Variants in CTNND2 observed in about 807,000 individuals in gnomAD.
CTNND2 encodes catenin delta 2.
A neutral mutation model predicts 144.4 loss-of-function variants in CTNND2; 22 were observed. That is an observed-to-expected ratio of 0.15 (90% CI 0.11 to 0.22). The LOEUF is 0.22. CTNND2 is among the 10% of genes least tolerant of loss of function. CTNND2 has a pLI of 1.00. For synonymous variants in CTNND2, 751 were observed against 695.6 expected (o/e 1.08, Z -1.25); for missense variants, 1,353 against 1,618.8 (o/e 0.84, Z 2.82).
intron 1 of CTNND2, among the ~76,000 whole-genome samples, chr5:11,763,638 A>G (rs906132183): frequency 3.9e-5 from 6 of 152,238 alleles, no homozygotes; most frequent in African/African-American, 1.4e-4. Flanking sequence ...GCTTCCCTGA[A>G]TGCTACTTTA....
rs138346459 is a variant in CTNND2, at chr5:11,694,585, A to T, written c.174+37551T>A. Reference sequence around the variant, plus strand: ...GCCTCAGTTAGGTACATGTGTGTCCATGCACGGCACATGACTGTGAATACC... The same window carrying T: ...GCCTCAGTTAGGTACATGTGTGTCCTTGCACGGCACATGACTGTGAATACC... On this transcript the variant is annotated intron_variant, in intron 2 of 21. Coordinates refer to ENST00000304623, the MANE Select transcript of CTNND2 (RefSeq NM_001332.4). 1.1e-3 allele frequency among the ~76,000 whole-genome samples: 173 copies of T among 152,356 alleles called. 1 individual carries two copies. The highest frequency in any genetic ancestry group is 4.0e-3 in the African/African-American group (165 of 41,586).
rs1445236307 is a variant in CTNND2 at position 11,429,761 on chromosome 5, C to T, written c.288-17692G>A. ...AGATTTTCCAAAAGCATCAGAAAAA[C>T]GAAGTGATGAAAGAGTGTCTAGCAA... On this transcript the variant is annotated intron_variant, in intron 3 of 21. Coordinates refer to ENST00000304623, the MANE Select transcript of CTNND2 (RefSeq NM_001332.4). 2.0e-5 allele frequency among the ~76,000 whole-genome samples: 3 copies of T among 152,088 alleles called. No individual in the cohort carries two copies. The South Asian group carries it at 6.2e-4, about 32-fold the overall frequency.
chr5:11,431,864 G>A (rs994990283), intron 3 of CTNND2, among the ~76,000 whole-genome samples: 1 of 152,074 alleles, frequency 6.6e-6, no homozygotes, highest in African/African-American at 2.4e-5. Flanking sequence ...GGTAAAGAAT[G>A]GTAGATAACC....
intron 8 of CTNND2, among the ~76,000 whole-genome samples, chr5:11,351,085 AG>A (rs1273387878): frequency 1.1e-4 from 16 of 152,200 alleles, no homozygotes; most frequent in Non-Finnish European, 7.3e-5. Flanking sequence ...GCTCTCCATT[AG>A]TATGGATAAA....
At chr5:11,135,010 G>C (rs776556088) in intron 12 of CTNND2, among the ~76,000 whole-genome samples, 52 of 152,292 alleles carry the variant, frequency 3.4e-4, no homozygotes, top group Admixed American at 6.5e-4. Context: ...TCTTCACTGC[G>C]CTAAGTGCTG....
chr5:11,206,381 G>A (rs1040041111), intron 10 of CTNND2, among the ~76,000 whole-genome samples: 3 of 152,208 alleles, frequency 2.0e-5, no homozygotes, highest in East Asian at 1.9e-4. Context: ...GCTGAACACC[G>A]TAAATGAGTT....
At chr5:11,732,037 T>G in intron 2 of CTNND2, 99 bp downstream of exon 2, 2 of 1,122,116 alleles carry the variant, frequency 1.8e-6, no homozygotes, top group Non-Finnish European at 1.3e-6. Flanking sequence ...TACATGAGTA[T>G]GAGTTTCTTT....
intron 1 of CTNND2, among the ~76,000 whole-genome samples, chr5:11,833,835 C>CTA (rs1195618337): frequency 6.6e-6 from 1 of 152,132 alleles, no homozygotes; most frequent in Admixed American, 6.6e-5. Flanking sequence ...GAACTGTTTT[C>CTA]TATCTCCCTT....
chr5:11,038,439 C>T (rs1424174026), intron 16 of CTNND2, among the ~76,000 whole-genome samples: 1 of 152,210 alleles, frequency 6.6e-6, no homozygotes, highest in African/African-American at 2.4e-5. Context: ...GAGGTGGACA[C>T]TTTCATCCTG....
chr5:11,690,528 T>C (rs1278768748), intron 2 of CTNND2, among the ~76,000 whole-genome samples: 1 of 151,868 alleles, frequency 6.6e-6, no homozygotes, highest in Non-Finnish European at 1.5e-5. Flanking sequence ...GGTCATGAGA[T>C]CGAGACCATC....
chr5:11,484,592 A>G (rs1009678447), intron 3 of CTNND2, among the ~76,000 whole-genome samples: 4 of 152,334 alleles, frequency 2.6e-5, no homozygotes, highest in Admixed American at 2.0e-4. Flanking sequence ...CATCCCAAAT[A>G]TGCCCCCCAT....
intron 3 of CTNND2, among the ~76,000 whole-genome samples, chr5:11,421,509 T>A (rs1314341318): frequency 6.6e-6 from 1 of 152,166 alleles, no homozygotes; most frequent in African/African-American, 2.4e-5. Flanking sequence ...GTTGTTCAAA[T>A]GGCTTATATG....
At chr5:11,694,086 T>A (rs1334826259) in intron 2 of CTNND2, among the ~76,000 whole-genome samples, 1 of 152,116 alleles carries the variant, frequency 6.6e-6, no homozygotes, top group African/African-American at 2.4e-5. Flanking sequence ...AAACATTAGA[T>A]AACAAATCAG....
intron 2 of CTNND2, among the ~76,000 whole-genome samples, chr5:11,677,022 GGCTT>G (rs1784207977): frequency 6.6e-6 from 1 of 152,088 alleles, no homozygotes; most frequent in Non-Finnish European, 1.5e-5. Flanking sequence ...TTTCTGAACT[GGCTT>G]GCTTAACTGA....
At chr5:10,982,306 C>G (rs542572662) in intron 20 of CTNND2, among the ~76,000 whole-genome samples, 1 of 152,368 alleles carries the variant, frequency 6.6e-6, no homozygotes, top group African/African-American at 2.4e-5. Flanking sequence ...TCATTTCTTA[C>G]AGACCCAAAG....
At chr5:11,409,743 T>G (rs921208036) in intron 5 of CTNND2, among the ~76,000 whole-genome samples, 1 of 152,100 alleles carries the variant, frequency 6.6e-6, no homozygotes, top group African/African-American at 2.4e-5. Flanking sequence ...TTGATTATAT[T>G]TGCAGGCACT....
chr5:11,068,654 G>A (rs991070054), intron 16 of CTNND2, among the ~76,000 whole-genome samples: 7 of 152,312 alleles, frequency 4.6e-5, no homozygotes, highest in Admixed American at 2.6e-4. Flanking sequence ...GGTGGCTCAC[G>A]CCTGTAATCC....
intron 9 of CTNND2, among the ~76,000 whole-genome samples, chr5:11,328,453 CT>C (rs963628418): frequency 4.0e-5 from 6 of 151,044 alleles, no homozygotes; most frequent in Non-Finnish European, 7.4e-5. Context: ...GTCACCAGAC[CT>C]TTTTTTTTGT....
chr5:11,124,186 TCTCTTGCTTAGGCTAAGCA>T lies in CTNND2; in HGVS notation c.2160-6638_2160-6620del, dbSNP rs1754428508. Among the ~76,000 whole-genome samples, 3 of 152,306 alleles carry T rather than the reference TCTCTTGCTTAGGCTAAGCA, an allele frequency of 2.0e-5. No homozygotes were observed. In the East Asian group the frequency reaches 5.8e-4, roughly 29 times the overall value. On this transcript the variant is annotated intron_variant, in intron 12 of 21. Coordinates refer to ENST00000304623, the MANE Select transcript of CTNND2 (RefSeq NM_001332.4). ...AACTCCCAGCCTCTCCTGCCTGCTC[TCTCTTGCTTAGGCTAAGCA>T]GAGACTGAACAGACCTAATAGCTAC...
Sources: gnomAD v4.1 joint callset for allele counts (sites outside exome capture counted in the v4.1 genomes callset) on GRCh38, gnomAD v4.1.1 for gene constraint, MANE v1.5 for transcripts, NCBI Gene and HGNC (gene_info 2026-07-23, HGNC 2026-07-21) for gene names.